Variants in CNTNAP5 observed in about 807,000 individuals in gnomAD.
CNTNAP5 encodes the protein contactin associated protein family member 5, also known as contactin-associated protein-like 5.
CNTNAP5 carries 72 observed loss-of-function variants against 150.2 expected under a neutral mutation model. That is an observed-to-expected ratio of 0.48 (90% CI 0.40 to 0.58). The LOEUF (loss-of-function observed/expected upper bound fraction) is 0.58, where lower values mean the gene tolerates loss of function less well. Among genes scored for constraint, CNTNAP5 ranks in the 20% least tolerant of loss-of-function variants. The probability of loss-of-function intolerance (pLI) is 0.00; values close to 1 mark genes in which losing one functional copy is unlikely to be tolerated. For synonymous variants in CNTNAP5, 672 were observed against 619.8 expected (o/e 1.08, Z -1.25); for missense variants, 1,636 against 1,626.2 (o/e 1.01, Z -0.10).
chr2:124,657,226 G>A (rs533372966), intron 13 of CNTNAP5, among the ~76,000 whole-genome samples: 1 of 152,190 alleles, frequency 6.6e-6, no homozygotes, highest in Admixed American at 6.5e-5. Context: ...GTAACTTATG[G>A]CATTTACCTA....
intron 11 of CNTNAP5, among the ~76,000 whole-genome samples, chr2:124,567,594 G>T (rs906784078): frequency 1.3e-5 from 2 of 152,122 alleles, no homozygotes; most frequent in African/African-American, 2.4e-5. Flanking sequence ...AACAGTGTTT[G>T]CACTCCACCA....
intron 1 of CNTNAP5, among the ~76,000 whole-genome samples, chr2:124,061,307 C>A (rs1682004425): frequency 6.6e-6 from 1 of 152,132 alleles, no homozygotes. Context: ...TTTTTGCCTA[C>A]ATAAATCATT....
chr2:124,401,791 G>C (rs1293923966), intron 3 of CNTNAP5, among the ~76,000 whole-genome samples: 2 of 152,150 alleles, frequency 1.3e-5, no homozygotes, highest in Non-Finnish European at 2.9e-5. Flanking sequence ...AACTTTCATG[G>C]GGCAGTGAGG....
chr2:124,107,158 G>T (rs1683187320), intron 1 of CNTNAP5, among the ~76,000 whole-genome samples: 1 of 152,100 alleles, frequency 6.6e-6, no homozygotes, highest in Non-Finnish European at 1.5e-5. Context: ...ACCTTTGTGG[G>T]TCTGAAACTA....
At chr2:124,730,351 A>ATATATATATATATCTGCAAACAGATATG (rs1573578598) in intron 13 of CNTNAP5, among the ~76,000 whole-genome samples, 1 of 151,634 alleles carries the variant, frequency 6.6e-6, no homozygotes, top group Non-Finnish European at 1.5e-5. Flanking sequence ...GTACAGATAT[A>ATATATATATATATCTGCAAACAGATATG]TATATATATA....
chr2:124,456,354 C>T (rs1693119434), intron 6 of CNTNAP5, among the ~76,000 whole-genome samples: 1 of 151,946 alleles, frequency 6.6e-6, no homozygotes, highest in African/African-American at 2.4e-5. Context: ...AGGAAGATAC[C>T]TAATCAAGAA....
At chr2:124,095,286 T>C (rs1682907886) in intron 1 of CNTNAP5, among the ~76,000 whole-genome samples, 1 of 151,254 alleles carries the variant, frequency 6.6e-6, no homozygotes, top group Non-Finnish European at 1.5e-5. Flanking sequence ...TAAGCGGGAG[T>C]TGAACAACGA....
Position 124,055,908 on chromosome 2 carries a change from C to T in CNTNAP5, c.82+30176C>T, listed in dbSNP as rs560829025. Among the ~76,000 whole-genome samples the T allele has an allele frequency of 8.6e-5, 13 of 151,940 alleles. 1 individual carries two copies. Among genetic ancestry groups the T allele is most frequent in the Middle Eastern group, 6.8e-3 (2 of 292 alleles). ...TATTTCTATCCTCAATTCCCTCTCC[C>T]GCACCATCCATGTCCACTGCCATGG... On this transcript the variant is annotated intron_variant, in intron 1 of 23. Transcript: ENST00000682447.
At chr2:124,267,843 G>C (rs529859765) in intron 3 of CNTNAP5, among the ~76,000 whole-genome samples, 84 of 152,286 alleles carry the variant, frequency 5.5e-4, no homozygotes, top group Middle Eastern at 3.4e-3. Flanking sequence ...TTGAAAACCA[G>C]GAGCAGAGGG....
At chr2:124,027,302 C>T (rs575586041) in intron 1 of CNTNAP5, among the ~76,000 whole-genome samples, 1 of 152,318 alleles carries the variant, frequency 6.6e-6, no homozygotes, top group East Asian at 1.9e-4. Context: ...TTTTTCTCCA[C>T]CTTCTAGAAC....
intron 19 of CNTNAP5, among the ~76,000 whole-genome samples, chr2:124,845,554 G>T (rs1683031761): frequency 6.6e-6 from 1 of 151,646 alleles, no homozygotes; most frequent in Admixed American, 6.6e-5. Context: ...AGTGTCTATA[G>T]GATTGGTACC....
intron 3 of CNTNAP5, among the ~76,000 whole-genome samples, chr2:124,393,644 A>G (rs2104750990): frequency 6.6e-6 from 1 of 152,280 alleles, no homozygotes; most frequent in South Asian, 2.1e-4. Context: ...AGCTGTCCTC[A>G]CAGGGTGCTT....
In CNTNAP5 at chr2:124,517,969, A is replaced by G. The variant is rs185180319; in HGVS notation, c.1328-6334A>G. 2.9e-3 allele frequency among the ~76,000 whole-genome samples: 435 copies of G among 148,976 alleles called. 1 individual carries two copies. The highest frequency in any genetic ancestry group is 4.7e-3 in the Non-Finnish European group (318 of 67,146). ...GTTTATAATGGAAGGTTGTGTTGTG[A>G]TGATGGAGGGTTGTGATGGTGATGG... On this transcript the variant is annotated intron_variant, in intron 8 of 23. Coordinates refer to ENST00000682447, the MANE Select transcript of CNTNAP5 (RefSeq NM_001367498.1).
intron 19 of CNTNAP5, among the ~76,000 whole-genome samples, chr2:124,859,296 A>G (rs1677454705): frequency 6.6e-6 from 1 of 152,230 alleles, no homozygotes; most frequent in Admixed American, 6.5e-5. Flanking sequence ...CAGCCAAAAA[A>G]CACATGAAAA....
intron 11 of CNTNAP5, among the ~76,000 whole-genome samples, chr2:124,565,845 C>T (rs530903186): frequency 9.9e-5 from 15 of 152,064 alleles, no homozygotes; most frequent in South Asian, 4.2e-4. Flanking sequence ...GTGATCCTCC[C>T]GCCTTGGCCT....
At chr2:124,387,451 C>G (rs1690958285) in intron 3 of CNTNAP5, among the ~76,000 whole-genome samples, 1 of 152,166 alleles carries the variant, frequency 6.6e-6, no homozygotes, top group Admixed American at 6.5e-5. Flanking sequence ...TGGGCTGAAT[C>G]CGAAAAGAGA....
intron 13 of CNTNAP5, among the ~76,000 whole-genome samples, chr2:124,712,815 G>A (rs1050322468): frequency 1.3e-5 from 2 of 151,274 alleles, no homozygotes; most frequent in African/African-American, 4.9e-5. Context: ...TAATGCAATT[G>A]TAGCTCACTG....
chr2:124,160,037 ACTCT>A (rs1386495459), intron 1 of CNTNAP5, among the ~76,000 whole-genome samples: 1 of 152,138 alleles, frequency 6.6e-6, no homozygotes, highest in Non-Finnish European at 1.5e-5. Context: ...AGAGGAACAG[ACTCT>A]CTCTTATTAT....
chr2:124,367,154 T>C (rs1043148571), intron 3 of CNTNAP5, among the ~76,000 whole-genome samples: 1 of 152,216 alleles, frequency 6.6e-6, no homozygotes, highest in Non-Finnish European at 1.5e-5. Flanking sequence ...TTTGGGACTG[T>C]TGCTTGACGA....
Sources: gnomAD v4.1 joint callset for allele counts (sites outside exome capture counted in the v4.1 genomes callset) on GRCh38, gnomAD v4.1.1 for gene constraint, MANE v1.5 for transcripts, NCBI Gene and HGNC (gene_info 2026-07-23, HGNC 2026-07-21) for gene names.